The following SLC9B2 variants were observed in gnomAD, a reference collection of about 807,000 sequenced individuals.
SLC9B2 encodes sodium/hydrogen exchanger 9B2.
SLC9B2 carries 39 observed loss-of-function variants against 52.2 expected under a neutral mutation model. The ratio of observed to expected loss-of-function variants is 0.75; its 90% CI spans 0.58 to 0.98. The LOEUF (loss-of-function observed/expected upper bound fraction) is 0.98. Among genes scored for constraint, SLC9B2 ranks in the 50% least tolerant of loss-of-function variants. SLC9B2 has a pLI of 0.00. For synonymous variants in SLC9B2, 214 were observed against 227.0 expected, an observed-to-expected ratio of 0.94 and a Z score of 0.51; for missense variants, 626 against 637.5, an observed-to-expected ratio of 0.98 and a Z score of 0.19.
chr4:103,035,145 C>T (rs1014650086), intron 9 of SLC9B2, among the ~76,000 whole-genome samples: 14 of 152,266 alleles, frequency 9.2e-5, no homozygotes, highest in African/African-American at 2.6e-4. Context: ...CCACCCTCCA[C>T]CCTACAATAG....
rs1256230429 is a variant in SLC9B2, at chr4:103,028,836, T to A, written c.1303A>T (p.Thr435Ser). The change falls in exon 11 of 12, where the codon ACT (threonine) becomes TCT (serine). Residue 435 changes from threonine (T) to serine (S), a missense_variant. Coordinates refer to ENST00000394785, the MANE Select transcript of SLC9B2 (RefSeq NM_178833.7). The stretch of plus-strand genomic sequence containing the variant: ...GCAAAACACACCATCAGAAATGTAG[T>A]CAAAATTCGTATCAATACTGCAATG... The part of the protein sequence containing the change: ...VGIAVLIRIL[T>S]TFLMVCFAGF... 6.2e-7 allele frequency: 1 copy of A among 1,609,104 alleles called. No individual in the cohort carries two copies. Among genetic ancestry groups the A allele is most frequent in the Admixed American group, 1.7e-5 (1 of 58,662 alleles).
At chr4:103,018,438 A>C (rs1366036920), downstream of SLC9B2, among the ~76,000 whole-genome samples, 2 of 152,246 alleles carry the variant, frequency 1.3e-5, no homozygotes, top group African/African-American at 4.8e-5. Context: ...GACAATACCT[A>C]TGAATGCCCT....
chr4:103,073,128 C>T (rs987350356), intron 1 of SLC9B2, among the ~76,000 whole-genome samples: 4 of 152,108 alleles, frequency 2.6e-5, no homozygotes, highest in African/African-American at 9.7e-5. Flanking sequence ...ACTTCCCAGC[C>T]TCCAGAACTG....
At chr4:103,043,720 A>C (rs1404149115) in intron 8 of SLC9B2, among the ~76,000 whole-genome samples, 1 of 152,186 alleles carries the variant, frequency 6.6e-6, no homozygotes, top group Non-Finnish European at 1.5e-5. Flanking sequence ...AGCAGAAAAA[A>C]AGTACATGAG....
chr4:103,031,943 G>A, intron 9 of SLC9B2, 135 bp from the exon 10 acceptor site: 1 of 795,776 alleles, frequency 1.3e-6, no homozygotes, highest in Admixed American at 2.8e-5. Flanking sequence ...TAAAAGGTTA[G>A]CTAGAACAGA....
At chr4:103,063,716 A>G (rs900625910) in intron 3 of SLC9B2, among the ~76,000 whole-genome samples, 5 of 152,170 alleles carry the variant, frequency 3.3e-5, no homozygotes, top group Admixed American at 6.5e-5. Context: ...CCAAACTAAA[A>G]AGCTTTTGCA....
At chr4:103,074,535 C>T (rs1232850430) in intron 1 of SLC9B2, among the ~76,000 whole-genome samples, 17 of 152,118 alleles carry the variant, frequency 1.1e-4, no homozygotes, top group South Asian at 6.2e-4. Flanking sequence ...CAGAACACTG[C>T]CTTTGTATTG....
chr4:103,040,891 C>T (rs1003661476), intron 9 of SLC9B2, among the ~76,000 whole-genome samples: 7 of 152,062 alleles, frequency 4.6e-5, no homozygotes, highest in African/African-American at 1.7e-4. Context: ...ATTCTCAAGC[C>T]CCACCACAGT....
chr4:103,052,017 C>A (rs555070990), intron 4 of SLC9B2, among the ~76,000 whole-genome samples: 237 of 152,312 alleles, frequency 1.6e-3, no homozygotes, highest in African/African-American at 5.3e-3. Flanking sequence ...GAGCACAATT[C>A]ATACATCAAG....
intron 9 of SLC9B2, among the ~76,000 whole-genome samples, chr4:103,039,646 ATTCT>A (rs1743460876): frequency 1.7e-5 from 2 of 119,766 alleles, no homozygotes; most frequent in African/African-American, 6.4e-5. Context: ...CAAATGGTAT[ATTCT>A]TTTTTTTTTT....
At chr4:103,019,778 C>T, downstream of SLC9B2, 1 of 985,632 alleles carries the variant, frequency 1.0e-6, no homozygotes, top group Non-Finnish European at 1.2e-6. Context: ...TCTTGGCTGT[C>T]CGCGCCGGCA....
At chr4:103,019,974 T>G, downstream of SLC9B2, 2 of 969,626 alleles carry the variant, frequency 2.1e-6, no homozygotes, top group African/African-American at 3.5e-5. Context: ...AGTAAACTTG[T>G]CAAAACTCAG....
intron 10 of SLC9B2, among the ~76,000 whole-genome samples, chr4:103,030,701 G>T (rs557557030): frequency 6.6e-6 from 1 of 152,064 alleles, no homozygotes; most frequent in East Asian, 1.9e-4. Context: ...TTTAATTGTA[G>T]TAAAATACAC....
Position 103,076,338 on chromosome 4 carries a change from T to C in SLC9B2, c.-197A>G, listed in dbSNP as rs1013587537. 2.6e-5 allele frequency: 4 copies of C among 152,290 alleles called. No individual in the cohort carries two copies. In the East Asian group the frequency reaches 5.8e-4, roughly 22 times the overall value. The allele number at this position is 152,290 out of a possible 1,614,324, so 9.4% of individuals were successfully genotyped here. A position where few individuals can be genotyped will look rare whatever the true frequency, so the allele number is the denominator to read the frequency against. On this transcript the variant is annotated 5_prime_UTR_variant, in exon 1 of 12. Transcript: ENST00000394785. ...GCCGGGAGGCTGCGTTGACTGCAGA[T>C]AAACGGTCTCAGGGCGCGGCACCGC...
intron 7 of SLC9B2, among the ~76,000 whole-genome samples, chr4:103,046,352 C>G (rs571090378): frequency 6.6e-6 from 1 of 152,208 alleles, no homozygotes; most frequent in Non-Finnish European, 1.5e-5. Flanking sequence ...AAGTGTTGAA[C>G]TGCTTTTGGC....
At chr4:103,057,107 G>T (rs1188425196) in intron 4 of SLC9B2, among the ~76,000 whole-genome samples, 1 of 152,016 alleles carries the variant, frequency 6.6e-6, no homozygotes, top group Non-Finnish European at 1.5e-5. Context: ...GTGGAGTTGG[G>T]AAGAGGTGGC....
Position 103,025,469 on chromosome 4 carries a change from T to G in SLC9B2, c.*901A>C, listed in dbSNP as rs1327167475. 6.6e-6 allele frequency: 1 copy of G among 152,168 alleles called. No individual in the cohort carries two copies. The allele number at this position is 152,168 out of a possible 1,614,324, so 9.4% of individuals were successfully genotyped here. A position where few individuals can be genotyped will look rare whatever the true frequency, so the allele number is the denominator to read the frequency against. ...GACCTCATAAGCAGAGTAACCCTGT[T>G]GGTATTAACGAACCAGCCAGTTTCA... On this transcript the variant is annotated 3_prime_UTR_variant, in exon 12 of 12. Transcript: ENST00000394785.
At chr4:103,051,405 T>C (rs1744673142) in intron 4 of SLC9B2, among the ~76,000 whole-genome samples, 1 of 152,182 alleles carries the variant, frequency 6.6e-6, no homozygotes, top group Non-Finnish European at 1.5e-5. Context: ...GTTAGGTTAT[T>C]TTGTGATGCA....
chr4:103,074,594 T>C (rs1427647953), intron 1 of SLC9B2, among the ~76,000 whole-genome samples: 3 of 152,248 alleles, frequency 2.0e-5, no homozygotes, highest in African/African-American at 7.2e-5. Context: ...AGTTAAAAAT[T>C]AGTGCCAAGG....
Sources: allele counts gnomAD v4.1 joint callset (sites outside exome capture counted in the v4.1 genomes callset), GRCh38; gene constraint gnomAD v4.1.1; transcripts MANE v1.5; gene names NCBI Gene and HGNC (gene_info 2026-07-23, HGNC 2026-07-21).